Variants in GPD2 observed in about 807,000 individuals in gnomAD.
GPD2 encodes the protein glycerol-3-phosphate dehydrogenase, mitochondrial.
GPD2 carries 54 observed loss-of-function variants against 82.4 expected under a neutral mutation model. That is an observed-to-expected ratio of 0.66 (90% CI 0.53 to 0.82). The LOEUF (loss-of-function observed/expected upper bound fraction) is 0.82. Ranked by LOEUF, GPD2 falls within the 40% of genes least tolerant of loss-of-function variation. The probability of loss-of-function intolerance (pLI) is 0.00; values close to 1 mark genes in which losing one functional copy is unlikely to be tolerated. For missense variants in GPD2, 748 were observed against 896.2 expected (o/e 0.83, Z 2.11); for synonymous variants, 288 against 306.1 (o/e 0.94, Z 0.62).
chr2:156,428,178 C>A, the GPD2 span, among the ~76,000 whole-genome samples: 1 of 152,158 alleles, frequency 6.6e-6, no homozygotes, highest in Non-Finnish European at 1.5e-5. Context: ...TTCAGTCTAC[C>A]ATAGTGTAGC....
At chr2:156,537,131 C>T (rs1686112492) in intron 6 of GPD2, among the ~76,000 whole-genome samples, 1 of 152,162 alleles carries the variant, frequency 6.6e-6, no homozygotes, top group East Asian at 1.9e-4. Context: ...CACAGGGATT[C>T]CTTTGTGTAG....
intron 11 of GPD2, 70 bp from the exon 12 acceptor site, chr2:156,570,017 T>G (rs891923539): frequency 2.5e-5 from 33 of 1,299,582 alleles, no homozygotes; most frequent in Non-Finnish European, 3.3e-5. Flanking sequence ...TAAGCATGTG[T>G]GCTTTTTGCT....
chr2:156,478,714 A>T (rs1426094589), intron 2 of GPD2, among the ~76,000 whole-genome samples: 1 of 152,088 alleles, frequency 6.6e-6, no homozygotes, highest in East Asian at 1.9e-4. Context: ...AATTGGCTAC[A>T]CTTTTGTTTG....
At chr2:156,418,544 T>TC in the GPD2 span, among the ~76,000 whole-genome samples, 2 of 152,146 alleles carry the variant, frequency 1.3e-5, no homozygotes, top group Admixed American at 1.3e-4. Context: ...CTACCCATTC[T>TC]CCCTGACCAG....
At chr2:156,408,541 C>A in the GPD2 span, among the ~76,000 whole-genome samples, 1 of 151,598 alleles carries the variant, frequency 6.6e-6, no homozygotes, top group African/African-American at 2.4e-5. Context: ...GTCTGGGCAA[C>A]ATAGGGAGAC....
intron 13 of GPD2, among the ~76,000 whole-genome samples, chr2:156,576,176 A>G (rs772126247): frequency 6.6e-6 from 1 of 152,358 alleles, no homozygotes; most frequent in South Asian, 2.1e-4. Flanking sequence ...ACAGTGGACC[A>G]TGGCTGCCCC....
In GPD2 at chr2:156,579,181, G is replaced by C. The variant is rs1421163152; in HGVS notation, c.1959+17G>C. On this transcript the variant is annotated intron_variant, in intron 15 of 16. Coordinates refer to ENST00000438166, the MANE Select transcript of GPD2 (RefSeq NM_000408.5). ...GTATTAGAGGTAATTTTCTTTGGTT[G>C]ATGTCAGCCTCTGATACTAGAAGAA... is the stretch of plus-strand genomic sequence containing the variant. The C allele has an allele frequency of 7.2e-7, 1 of 1,397,178 alleles. No homozygotes were observed. The highest frequency in any genetic ancestry group is 1.4e-5 in the African/African-American group (1 of 70,798). The allele number at this position is 1,397,178 out of a possible 1,614,324, so 86.5% of individuals were successfully genotyped here. A position where few individuals can be genotyped will look rare whatever the true frequency, so the allele number is the denominator to read the frequency against.
intron 2 of GPD2, among the ~76,000 whole-genome samples, chr2:156,478,673 T>C (rs1198371756): frequency 1.3e-5 from 2 of 151,974 alleles, no homozygotes; most frequent in Non-Finnish European, 2.9e-5. Context: ...ACTTCAATAG[T>C]CAAAAAAAAA....
chr2:156,441,728 C>T lies in GPD2; in HGVS notation c.-9+5215C>T, dbSNP rs575284332. 3.9e-5 allele frequency among the ~76,000 whole-genome samples: 6 copies of T among 152,240 alleles called. 1 individual carries two copies. Among genetic ancestry groups the T allele is most frequent in the Admixed American group, 3.9e-4 (6 of 15,302 alleles). ...ACTGGCATCTGAAGTGGAGGGCAGT[C>T]TCATGGGACTGAGCCCTTACCCTGT... is the stretch of plus-strand genomic sequence containing the variant. On this transcript the variant is annotated intron_variant, in intron 1 of 16. Transcript: ENST00000438166.
At chr2:156,486,323 T>C (rs1178365026) in intron 2 of GPD2, among the ~76,000 whole-genome samples, 1 of 152,236 alleles carries the variant, frequency 6.6e-6, no homozygotes, top group Non-Finnish European at 1.5e-5. Context: ...GTTGCTGGCA[T>C]ACAAAATCAG....
chr2:156,520,900 T>G (rs1416304375), intron 6 of GPD2, among the ~76,000 whole-genome samples: 1 of 152,214 alleles, frequency 6.6e-6, no homozygotes, highest in Non-Finnish European at 1.5e-5. Context: ...AGTTTTATTT[T>G]TAAACTTTGT....
In GPD2 at chr2:156,512,294, G is replaced by A. The variant is rs751664830; in HGVS notation, c.474G>A (p.Leu158=). ...TTGCTCCCCATTTATCAGCTCCATT[G>A]CCTATAATGCTTCCAGTTTACAAGT... ...LEIAPHLSAP[L]PIMLPVYKWW... Residue 158 remains leucine (L), a synonymous_variant, in exon 5 of 17, where the codon TTG becomes TTA. Transcript: ENST00000438166. The A allele has an allele frequency of 6.3e-6, 10 of 1,581,032 alleles. No individual in the cohort carries two copies. In the Admixed American group the frequency reaches 1.0e-4, roughly 16 times the overall value.
At chr2:156,569,340 A>G in intron 10 of GPD2, 23 bp from the exon 11 acceptor site, 2 of 1,549,256 alleles carry the variant, frequency 1.3e-6, no homozygotes, top group Non-Finnish European at 1.8e-6. Context: ...AACCTGATGA[A>G]TTGTCTATCA....
the GPD2 span, among the ~76,000 whole-genome samples, chr2:156,403,413 G>A: frequency 3.9e-5 from 6 of 152,150 alleles, no homozygotes; most frequent in African/African-American, 1.4e-4. Flanking sequence ...CCTTGTATGA[G>A]GGTGTAATGC....
In GPD2 at chr2:156,571,295, A is replaced by G; in HGVS notation, c.1767+3A>G. The stretch of plus-strand genomic sequence containing the variant: ...ATTGGGATGATTATAAGAAGCAGGT[A>G]TTATATAGAAGTCTTTAAAACCACA... On this transcript the variant is annotated splice_donor_region_variant and intron_variant, in intron 13 of 16. Transcript: ENST00000438166. The G allele has an allele frequency of 6.3e-7, 1 of 1,590,232 alleles. No homozygotes were observed. The highest frequency in any genetic ancestry group is 8.6e-7 in the Non-Finnish European group (1 of 1,164,684).
At chr2:156,551,958 G>C (rs1275363584) in intron 8 of GPD2, among the ~76,000 whole-genome samples, 1 of 152,134 alleles carries the variant, frequency 6.6e-6, no homozygotes, top group Non-Finnish European at 1.5e-5. Flanking sequence ...ATTTGATAAA[G>C]TGGATGTGTA....
chr2:156,401,187 G>A, the GPD2 span, among the ~76,000 whole-genome samples: 4 of 152,192 alleles, frequency 2.6e-5, no homozygotes, highest in Non-Finnish European at 4.4e-5. Context: ...CCGCGTGGCA[G>A]GCGAGAATTC....
At chr2:156,438,830 A>G (rs1682042810) in intron 1 of GPD2, among the ~76,000 whole-genome samples, 1 of 152,274 alleles carries the variant, frequency 6.6e-6, no homozygotes, top group South Asian at 2.1e-4. Flanking sequence ...AGAAGCTTAC[A>G]GTTGTTTAAC....
At chr2:156,552,115 AC>A (rs898690851) in intron 8 of GPD2, among the ~76,000 whole-genome samples, 1 of 152,200 alleles carries the variant, frequency 6.6e-6, no homozygotes, top group African/African-American at 2.4e-5. Flanking sequence ...TACCAGATAC[AC>A]TTCTGAGAAA....
Sources: gnomAD v4.1 joint callset for allele counts (sites outside exome capture counted in the v4.1 genomes callset) on GRCh38, gnomAD v4.1.1 for gene constraint, MANE v1.5 for transcripts, NCBI Gene and HGNC (gene_info 2026-07-23, HGNC 2026-07-21) for gene names.